Variants in HTRA4 observed in about 807,000 individuals in gnomAD.
The protein encoded by HTRA4 is serine protease HTRA4.
Under a neutral mutation model 49.1 loss-of-function variants are expected in HTRA4, and 46 were observed. The observed-to-expected ratio is 0.94, with a 90% CI of 0.74 to 1.20. The LOEUF (loss-of-function observed/expected upper bound fraction) is 1.20. Ranked by LOEUF, HTRA4 falls within the 50% of genes most tolerant of loss-of-function variation. The pLI, the probability that HTRA4 is intolerant of heterozygous loss-of-function variation, is 0.00. For synonymous variants in HTRA4, 261 were observed against 264.0 expected, an observed-to-expected ratio of 0.99 and a Z score of 0.11; for missense variants, 602 against 636.9, an observed-to-expected ratio of 0.95 and a Z score of 0.59.
At chr8:38,987,256 G>A (rs1835492785) in intron 8 of HTRA4, among the ~76,000 whole-genome samples, 2 of 152,110 alleles carry the variant, frequency 1.3e-5, no homozygotes, top group Non-Finnish European at 2.9e-5. Context: ...CTGTATTGTA[G>A]TGTTTTGTAT....
At chr8:38,984,419 C>G (rs1386312448) in intron 8 of HTRA4, among the ~76,000 whole-genome samples, 1 of 151,506 alleles carries the variant, frequency 6.6e-6, no homozygotes, top group African/African-American at 2.4e-5. Flanking sequence ...TCGAGACCAG[C>G]CTGGGGAACA....
Position 38,981,724 on chromosome 8 carries a change from A to G in HTRA4, c.1071A>G (p.Arg357=). The change falls in exon 6 of 9, where the codon CGA becomes CGG. Residue 357 remains arginine, a synonymous_variant. Coordinates refer to ENST00000302495, the MANE Select transcript of HTRA4 (RefSeq NM_153692.4). Reference sequence around the variant, plus strand: ...TCTCCTTTGCAATTCCTTCAGATCGAGTTAGGCAGTTCTTGGCAGAATACC... The same window carrying G: ...TCTCCTTTGCAATTCCTTCAGATCGGGTTAGGCAGTTCTTGGCAGAATACC... ...DGISFAIPSD[R]VRQFLAEYHE... The G allele has an allele frequency of 6.2e-7, 1 of 1,613,400 alleles. No homozygotes were observed.
intron 5 of HTRA4, among the ~76,000 whole-genome samples, chr8:38,981,135 A>G (rs1379687369): frequency 8.5e-6 from 1 of 117,512 alleles, no homozygotes; most frequent in Admixed American, 1.2e-4. Flanking sequence ...GCCGGAGTGC[A>G]GTGGCGCGAT....
rs71216700 is a variant in HTRA4, at chr8:38,981,063, G to GTTTTTTTT, written c.1000-563_1000-556dup. Among the ~76,000 whole-genome samples, 182 of 48,082 alleles carry GTTTTTTTT rather than the reference G, an allele frequency of 3.8e-3. 3 individuals carry two copies. Among genetic ancestry groups the GTTTTTTTT allele is most frequent in the Non-Finnish European group, 4.9e-3 (114 of 23,292 alleles). The allele number at this position is 48,082 out of a possible 152,430, so 31.5% of individuals were successfully genotyped here. On this transcript the variant is annotated intron_variant, in intron 5 of 8. Coordinates refer to ENST00000302495, the MANE Select transcript of HTRA4 (RefSeq NM_153692.4). ...TACTAAAGGAAAAAAATGAGCTTAA[G>GTTTTTTTT]TTTTTTTTTTTTTTTTTTTTTTTTT...
chr8:38,980,006 A>T (rs575807467), intron 5 of HTRA4, among the ~76,000 whole-genome samples: 1 of 152,168 alleles, frequency 6.6e-6, no homozygotes, highest in African/African-American at 2.4e-5. Flanking sequence ...GAGAAAAGCC[A>T]CAACCAGCAC....
At position 38,974,932 on chromosome 8, in the gene HTRA4, T is replaced by C. The variant is rs915704226; in HGVS notation, c.467-99T>C. 7.0e-6 allele frequency: 10 copies of C among 1,428,596 alleles called. No individual in the cohort carries two copies. In the African/African-American group the frequency reaches 1.3e-4, roughly 18 times the overall value. The allele number at this position is 1,428,596 out of a possible 1,614,324, so 88.5% of individuals were successfully genotyped here. A position where few individuals can be genotyped will look rare whatever the true frequency, so the allele number is the denominator to read the frequency against. Reference sequence around the variant, plus strand: ...CTGCTACGTGGTTTCTCCCTCCCCATGCACCTTTTGAACACTGTCTTGCCT... The same window carrying C: ...CTGCTACGTGGTTTCTCCCTCCCCACGCACCTTTTGAACACTGTCTTGCCT... On this transcript the variant is annotated intron_variant, in intron 1 of 8. Coordinates refer to ENST00000302495, the MANE Select transcript of HTRA4 (RefSeq NM_153692.4).
intron 8 of HTRA4, among the ~76,000 whole-genome samples, chr8:38,983,664 G>C (rs7010131): frequency 0.31 from 46,295 of 151,702 alleles, 7,330 homozygotes; most frequent in Non-Finnish European, 0.36. Flanking sequence ...TGGATATATT[G>C]TATTAAATAA....
At chr8:38,977,261 G>C (rs1356355707) in intron 3 of HTRA4, among the ~76,000 whole-genome samples, 1 of 140,776 alleles carries the variant, frequency 7.1e-6, no homozygotes, top group Non-Finnish European at 1.5e-5. Flanking sequence ...TAACTATCAA[G>C]CAGTCTTTTT....
Position 38,982,554 on chromosome 8 carries a change from C to A in HTRA4, c.1171C>A (p.Pro391Thr), listed in dbSNP as rs1835436247. 5 of 1,613,932 alleles carry A rather than the reference C, an allele frequency of 3.1e-6. No individual in the cohort carries two copies. The highest frequency in any genetic ancestry group is 1.3e-5 in the African/African-American group (1 of 75,038). ...LGLQMLSLTV[P>T]LSEELKMHYP... ...TCTGCAAATGCTGTCCCTCACTGTG[C>A]CGTAAGCATGTGTTTGAATATGTCT... The change falls in exon 7 of 9, where the codon CCC (proline) becomes ACC (threonine). Residue 391 changes from proline (P) to threonine (T), a missense_variant and splice_region_variant. Pro to Thr is a conservative substitution (Grantham distance 38, BLOSUM62 -1). Transcript: ENST00000302495.
At chr8:38,977,416 C>T (rs1298334991) in intron 3 of HTRA4, among the ~76,000 whole-genome samples, 2 of 152,172 alleles carry the variant, frequency 1.3e-5, no homozygotes, top group Non-Finnish European at 2.9e-5. Flanking sequence ...TGGTAGTCTG[C>T]ACATCACATA....
intron 4 of HTRA4, among the ~76,000 whole-genome samples, chr8:38,978,959 A>C (rs1440815705): frequency 7.1e-6 from 1 of 140,308 alleles, no homozygotes. Flanking sequence ...GCGCCATTGC[A>C]TTCCAGCCTG....
In HTRA4 at chr8:38,981,635, T is replaced by C. The variant is rs770585886; in HGVS notation, c.1000-18T>C. 6.3e-7 allele frequency: 1 copy of C among 1,581,932 alleles called. No individual in the cohort carries two copies. On this transcript the variant is annotated intron_variant, in intron 5 of 8. Transcript: ENST00000302495. Reference sequence around the variant, plus strand: ...TTTGCAAAACTTCATGACTGAATGATGTCCCCTCCCTTGCCAGGATGGTGA... The same window carrying C: ...TTTGCAAAACTTCATGACTGAATGACGTCCCCTCCCTTGCCAGGATGGTGA...
intron 8 of HTRA4, among the ~76,000 whole-genome samples, chr8:38,986,480 G>A (rs556330364): frequency 5.7e-4 from 86 of 152,188 alleles, no homozygotes; most frequent in African/African-American, 2.0e-3. Context: ...TGTTGGGCAG[G>A]CTGGTCTCGA....
At chr8:38,981,601 A>C in intron 5 of HTRA4, 52 bp from the exon 6 acceptor site, 1 of 1,237,768 alleles carries the variant, frequency 8.1e-7, no homozygotes, top group Non-Finnish European at 1.2e-6. Context: ...CTGGTCTTGC[A>C]CTCATCAGTT....
chr8:38,984,654 T>C (rs1835462655), intron 8 of HTRA4, among the ~76,000 whole-genome samples: 1 of 151,762 alleles, frequency 6.6e-6, no homozygotes, highest in Non-Finnish European at 1.5e-5. Context: ...GAGGCTGAGG[T>C]CAGAGAATCG....
At chr8:38,979,139 T>A (rs1466006931) in intron 4 of HTRA4, 76 bp from the exon 5 acceptor site, 5 of 1,350,674 alleles carry the variant, frequency 3.7e-6, no homozygotes, top group Non-Finnish European at 4.3e-6. Context: ...TAAACTGTTT[T>A]GGGAGCTATG....
At chr8:38,982,853 G>A in intron 7 of HTRA4, 100 bp from the exon 8 acceptor site, 7 of 773,450 alleles carry the variant, frequency 9.1e-6, no homozygotes, top group Admixed American at 2.7e-5. Context: ...CTCGGCCCTT[G>A]TGAACCTTGA....
At chr8:38,982,091 G>T (rs556081124) in intron 6 of HTRA4, among the ~76,000 whole-genome samples, 1 of 151,966 alleles carries the variant, frequency 6.6e-6, no homozygotes, top group East Asian at 1.9e-4. Flanking sequence ...CCAGTGATCC[G>T]CTTGCCTCGG....
Position 38,988,101 on chromosome 8 carries a change from A to G in HTRA4, c.*3A>G, listed in dbSNP as rs777529827. ...TCATACCTGAAACAATCAATTAAAT[A>G]TCTTGTTTTAAAGTGGGATTATCTA... On this transcript the variant is annotated 3_prime_UTR_variant, in exon 9 of 9. Transcript: ENST00000302495. 6.4e-7 allele frequency: 1 copy of G among 1,566,042 alleles called. No individual in the cohort carries two copies. The highest frequency in any genetic ancestry group is 8.6e-7 in the Non-Finnish European group (1 of 1,161,610).
Sources: allele counts gnomAD v4.1 joint callset (sites outside exome capture counted in the v4.1 genomes callset), GRCh38; gene constraint gnomAD v4.1.1; transcripts MANE v1.5; gene names NCBI Gene and HGNC (gene_info 2026-07-23, HGNC 2026-07-21).